The following PTCHD4 variants were observed in gnomAD, a reference collection of about 807,000 sequenced individuals.
PTCHD4 encodes the protein patched domain-containing protein 4.
In PTCHD4, 33 loss-of-function variants were observed where a neutral mutation model predicts 58.1. That is an observed-to-expected ratio of 0.57 (90% CI 0.43 to 0.76). The LOEUF (loss-of-function observed/expected upper bound fraction) is 0.76, where lower values mean the gene tolerates loss of function less well. PTCHD4 is among the 30% of genes least tolerant of loss of function. The pLI is 0.00. For missense variants in PTCHD4, 1,058 were observed against 1,027.1 expected, an observed-to-expected ratio of 1.03 and a Z score of -0.41; for synonymous variants, 478 against 409.6, an observed-to-expected ratio of 1.17 and a Z score of -2.02.
chr6:48,076,115 G>C (rs1337058821), intron 1 of PTCHD4, among the ~76,000 whole-genome samples: 2 of 152,168 alleles, frequency 1.3e-5, no homozygotes, highest in African/African-American at 4.8e-5. Flanking sequence ...TATATTCACA[G>C]CACTTTCACC....
At chr6:48,002,648 T>C (rs935324601) in intron 4 of PTCHD4, among the ~76,000 whole-genome samples, 2 of 151,916 alleles carry the variant, frequency 1.3e-5, no homozygotes, top group Non-Finnish European at 1.5e-5. Flanking sequence ...TTAGGAGATA[T>C]ACCTAATGTT....
intron 3 of PTCHD4, among the ~76,000 whole-genome samples, chr6:48,009,565 G>A (rs897660821): frequency 6.6e-6 from 1 of 152,046 alleles, no homozygotes; most frequent in South Asian, 2.1e-4. Context: ...TCTTTCTAGG[G>A]TTCATTCATA....
At chr6:47,880,531 T>TA (rs66857220) in intron 4 of PTCHD4, among the ~76,000 whole-genome samples, 49 of 150,926 alleles carry the variant, frequency 3.2e-4, no homozygotes, top group Non-Finnish European at 4.3e-4. Flanking sequence ...TGTGAGTTTT[T>TA]AAAAAAAAAA....
At chr6:47,898,351 A>T (rs77946973) in intron 4 of PTCHD4, among the ~76,000 whole-genome samples, 4,428 of 152,220 alleles carry the variant, frequency 0.029, 209 homozygotes, top group African/African-American at 0.098. Flanking sequence ...TTGTTGTGTA[A>T]TATTAATTTT....
chr6:47,988,534 A>G (rs771679805), intron 4 of PTCHD4, among the ~76,000 whole-genome samples: 35 of 152,152 alleles, frequency 2.3e-4, no homozygotes, highest in Non-Finnish European at 4.7e-4. Context: ...CTCATCTTCA[A>G]TAGTACTCCC....
At chr6:47,961,193 T>G (rs1201409789) in intron 4 of PTCHD4, among the ~76,000 whole-genome samples, 1 of 152,096 alleles carries the variant, frequency 6.6e-6, no homozygotes, top group Non-Finnish European at 1.5e-5. Context: ...ATTGTTGAGC[T>G]GTCTTCAAAA....
chr6:48,028,064 C>T (rs1329383986), intron 3 of PTCHD4, among the ~76,000 whole-genome samples: 3 of 152,022 alleles, frequency 2.0e-5, no homozygotes, highest in East Asian at 3.9e-4. Flanking sequence ...GCCTCAGCCT[C>T]CCCAGTAGCT....
rs1043702026 is a variant in PTCHD4, at chr6:47,860,815, A to G, written c.*17488T>C. 1.3e-5 allele frequency among the ~76,000 whole-genome samples: 2 copies of G among 152,068 alleles called. No individual in the cohort carries two copies. Among genetic ancestry groups the G allele is most frequent in the African/African-American group, 4.8e-5 (2 of 41,456 alleles). ...TCTACTTAAGCAAAGCAATTAGGTT[A>G]CAAATGAACTGGCGATAAAATACTT... is the stretch of plus-strand genomic sequence containing the variant. On this transcript the variant is annotated 3_prime_UTR_variant, in exon 5 of 5. Transcript: ENST00000339488.
At chr6:48,054,564 G>C (rs1333569261) in intron 3 of PTCHD4, among the ~76,000 whole-genome samples, 1 of 152,040 alleles carries the variant, frequency 6.6e-6, no homozygotes, top group East Asian at 1.9e-4. Flanking sequence ...TCTTCCTTAT[G>C]TCTGTTAAGG....
intron 4 of PTCHD4, among the ~76,000 whole-genome samples, chr6:47,903,271 G>C (rs1010923571): frequency 4.6e-5 from 7 of 151,854 alleles, no homozygotes; most frequent in African/African-American, 1.7e-4. Flanking sequence ...GTGTCTATAG[G>C]GGGAGATGAT....
chr6:47,934,190 C>T (rs1056074074), intron 4 of PTCHD4, among the ~76,000 whole-genome samples: 2 of 152,220 alleles, frequency 1.3e-5, no homozygotes, highest in East Asian at 3.9e-4. Context: ...AGGGAGGAGC[C>T]GGGACCCTCC....
At chr6:48,057,160 T>A (rs1355313068) in intron 3 of PTCHD4, among the ~76,000 whole-genome samples, 1 of 151,996 alleles carries the variant, frequency 6.6e-6, no homozygotes, top group Non-Finnish European at 1.5e-5. Context: ...TCCCTCCCTC[T>A]TCTGGCGGCG....
intron 4 of PTCHD4, among the ~76,000 whole-genome samples, chr6:47,929,189 C>A (rs1191656062): frequency 6.6e-6 from 1 of 151,920 alleles, no homozygotes; most frequent in Non-Finnish European, 1.5e-5. Context: ...AAAAAATTGG[C>A]TAAGCAAGTA....
chr6:48,081,421 C>G (rs1359936350), intron 1 of PTCHD4, among the ~76,000 whole-genome samples: 1 of 152,138 alleles, frequency 6.6e-6, no homozygotes, highest in Non-Finnish European at 1.5e-5. Flanking sequence ...TCTTCTGCCA[C>G]CTTCTAGTGG....
At chr6:47,945,314 C>G (rs1281985304) in intron 4 of PTCHD4, among the ~76,000 whole-genome samples, 1 of 152,006 alleles carries the variant, frequency 6.6e-6, no homozygotes, top group Non-Finnish European at 1.5e-5. Context: ...ATAATCTTAA[C>G]AAATATTACT....
intron 1 of PTCHD4, among the ~76,000 whole-genome samples, chr6:48,109,463 G>A (rs1005680738): frequency 2.6e-5 from 4 of 152,194 alleles, no homozygotes; most frequent in Admixed American, 2.0e-4. Flanking sequence ...CTGGAACTAT[G>A]AAATTCCTGG....
At position 47,863,295 on chromosome 6, in the gene PTCHD4, AG is replaced by A. The variant is rs1373303368; in HGVS notation, c.*15007del. On this transcript the variant is annotated 3_prime_UTR_variant, in exon 5 of 5. Transcript: ENST00000339488. ...AACATAAGATGTGAACATACTGCTAAGGACTGTCCTAGGGCCTCCAAAAGAC... is the reference window on the plus strand; with the variant it reads ...AACATAAGATGTGAACATACTGCTAAGACTGTCCTAGGGCCTCCAAAAGAC... 6.6e-6 allele frequency among the ~76,000 whole-genome samples: 1 copy of A among 151,914 alleles called. No homozygotes were observed. The highest frequency in any genetic ancestry group is 2.4e-5 in the African/African-American group (1 of 41,414).
In PTCHD4 at chr6:47,875,645, T is replaced by C. The variant is rs894581110; in HGVS notation, c.*2658A>G. Among the ~76,000 whole-genome samples the C allele has an allele frequency of 6.6e-6, 1 of 151,872 alleles. No individual in the cohort carries two copies. The highest frequency in any genetic ancestry group is 2.4e-5 in the African/African-American group (1 of 41,404). On this transcript the variant is annotated 3_prime_UTR_variant, in exon 5 of 5. Coordinates refer to ENST00000339488, the MANE Select transcript of PTCHD4 (RefSeq NM_001384253.1). The stretch of plus-strand genomic sequence containing the variant: ...AACAATGAGAAATTCATATTTATCT[T>C]AGACACTTTGATCCTTGAAGACATA...
At chr6:48,094,686 G>C (rs1329773769) in intron 1 of PTCHD4, among the ~76,000 whole-genome samples, 1 of 152,192 alleles carries the variant, frequency 6.6e-6, no homozygotes, top group Non-Finnish European at 1.5e-5. Flanking sequence ...AAAGAAATGT[G>C]ACTGATGGCC....
Sources: allele counts gnomAD v4.1 joint callset (sites outside exome capture counted in the v4.1 genomes callset), GRCh38; gene constraint gnomAD v4.1.1; transcripts MANE v1.5; gene names NCBI Gene and HGNC (gene_info 2026-07-23, HGNC 2026-07-21).